Variants in STAP2 observed in about 807,000 individuals in gnomAD.
STAP2 encodes the protein signal-transducing adaptor protein 2.
In STAP2, 58 loss-of-function variants were observed where a neutral mutation model predicts 52.7. That is an observed-to-expected ratio of 1.10 (90% CI 0.89 to 1.37). The LOEUF (loss-of-function observed/expected upper bound fraction) is 1.37. Ranked by LOEUF, STAP2 falls within the 40% of genes most tolerant of loss-of-function variation. STAP2 has a pLI of 0.00. For missense variants in STAP2, 522 were observed against 519.4 expected (o/e 1.00, Z -0.05); for synonymous variants, 231 against 210.5 (o/e 1.10, Z -0.84).
intron 3 of STAP2, 143 bp downstream of exon 3, chr19:4,333,551 T>C: frequency 9.3e-7 from 1 of 1,076,836 alleles, no homozygotes. Flanking sequence ...CCCAGCTCCT[T>C]TGGGGTCAAG....
intron 5 of STAP2, among the ~76,000 whole-genome samples, 189 bp downstream of exon 5, chr19:4,329,772 G>A (rs1219778261): frequency 6.6e-6 from 1 of 151,762 alleles, no homozygotes; most frequent in Non-Finnish European, 1.5e-5. Context: ...CCCGCTCCTG[G>A]AGATCCTGCC....
At position 4,327,403 on chromosome 19, in the gene STAP2, G is replaced by C. The variant is rs765623298; in HGVS notation, c.591-18C>G. The C allele has an allele frequency of 2.0e-4, 317 of 1,613,734 alleles. No individual in the cohort carries two copies. The highest frequency in any genetic ancestry group is 2.6e-4 in the Non-Finnish European group (312 of 1,179,850). On this transcript the variant is annotated intron_variant, in intron 6 of 12. Transcript: ENST00000594605. ...CGTGCGTCCTGCACCAGGAGAAAGC[G>C]AGTGAGTGGCTCAGCCCAGGCTCCC...
In STAP2 at chr19:4,327,391, C is replaced by A; in HGVS notation, c.591-6G>T. On this transcript the variant is annotated splice_polypyrimidine_tract_variant and splice_region_variant and intron_variant, in intron 6 of 12. Transcript: ENST00000594605. ...AATGCCGGACCACGTGCGTCCTGCA[C>A]CAGGAGAAAGCGAGTGAGTGGCTCA... 6.2e-7 allele frequency: 1 copy of A among 1,614,050 alleles called. No homozygotes were observed. The highest frequency in any genetic ancestry group is 8.5e-7 in the Non-Finnish European group (1 of 1,179,942).
At position 4,328,810 on chromosome 19, in the gene STAP2, C is replaced by T. The variant is rs763813697; in HGVS notation, c.456-1G>A. On this transcript the variant is annotated splice_acceptor_variant, in intron 5 of 12. Coordinates refer to ENST00000594605, the MANE Select transcript of STAP2 (RefSeq NM_001013841.2). LOFTEE classifies it high-confidence loss of function. Reference sequence around the variant, plus strand: ...CAGCCGGCTCACCTTCAGGAAGCACCTGTGGCGGGCCGCGTCACCCACTCG... The same window carrying T: ...CAGCCGGCTCACCTTCAGGAAGCACTTGTGGCGGGCCGCGTCACCCACTCG... 8.7e-6 allele frequency: 14 copies of T among 1,608,236 alleles called. No homozygotes were observed. Among genetic ancestry groups the T allele is most frequent in the Non-Finnish European group, 1.2e-5 (14 of 1,177,956 alleles).
At chr19:4,332,193 CTTCTTTTTTTTT>C (rs1971903326) in intron 3 of STAP2, 115 bp from the exon 4 acceptor site, 31 of 317,062 alleles carry the variant, frequency 9.8e-5, no homozygotes, top group Admixed American at 2.5e-4. Flanking sequence ...TTTTCTTTTT[CTTCTTTTTTTTT>C]TTTTTTTTTT....
chr19:4,336,676 C>T (rs1757919321), intron 1 of STAP2, among the ~76,000 whole-genome samples: 1 of 151,388 alleles, frequency 6.6e-6, no homozygotes, highest in Non-Finnish European at 1.5e-5. Flanking sequence ...CTCTTGTCCC[C>T]CAGGTTTGAG....
At chr19:4,325,853 C>T (rs539784714) in intron 9 of STAP2, among the ~76,000 whole-genome samples, 6 of 152,098 alleles carry the variant, frequency 3.9e-5, no homozygotes, top group African/African-American at 1.2e-4. Flanking sequence ...CTCCTGTAAT[C>T]GCAGCTACTC....
rs754581348 is a variant in STAP2 at position 4,325,473 on chromosome 19, G to A, written c.902C>T (p.Pro301Leu). The change falls in exon 10 of 13, where the codon CCC (proline) becomes CTC (leucine). Residue 301 changes from proline (P) to leucine (L), a missense_variant. Transcript: ENST00000594605. ...ASSQDKLPPL[P>L]PLPNQEENYV... Reference sequence around the variant, plus strand: ...GTTCTCTTCCTGGTTCGGTAGTGGGGGCAGTGGGGGCAGCTTGTCCTGGCT... The same window carrying A: ...GTTCTCTTCCTGGTTCGGTAGTGGGAGCAGTGGGGGCAGCTTGTCCTGGCT... 63 of 1,612,604 alleles carry A rather than the reference G, an allele frequency of 3.9e-5. No homozygotes were observed. The Admixed American group carries it at 1.1e-3, about 27-fold the overall frequency.
chr19:4,327,230 G>C lies in STAP2; in HGVS notation c.661-4C>G. The C allele has an allele frequency of 1.2e-6, 2 of 1,614,036 alleles. No homozygotes were observed. Among genetic ancestry groups the C allele is most frequent in the South Asian group, 2.2e-5 (2 of 90,958 alleles). ...CGTCCAGGGAGGTGCAAGAGAACTG[G>C]GGGCAGATGGGGGAGCGGTCAGGCT... On this transcript the variant is annotated splice_polypyrimidine_tract_variant and splice_region_variant and intron_variant, in intron 7 of 12. Transcript: ENST00000594605.
At position 4,324,536 on chromosome 19, in the gene STAP2, G is replaced by C. The variant is rs1197073284; in HGVS notation, c.1073-7C>G. The C allele has an allele frequency of 6.4e-7, 1 of 1,562,752 alleles. No homozygotes were observed. Among genetic ancestry groups the C allele is most frequent in the African/African-American group, 1.3e-5 (1 of 74,106 alleles). On this transcript the variant is annotated splice_region_variant and splice_polypyrimidine_tract_variant and intron_variant, in intron 11 of 12. Transcript: ENST00000594605. ...CCATTAAAGACTTTGGGCTCTGGAA[G>C]AGAAGACAGATGAGGCCAGGTGTGG... is the stretch of plus-strand genomic sequence containing the variant.
intron 1 of STAP2, among the ~76,000 whole-genome samples, chr19:4,337,768 T>C (rs548780396): frequency 9.2e-5 from 14 of 151,928 alleles, no homozygotes; most frequent in Admixed American, 2.6e-4. Context: ...GCTTAATCGT[T>C]TGAACCTGGG....
intron 1 of STAP2, chr19:4,338,376 CAA>C (rs1351075366): frequency 6.5e-5 from 17 of 263,240 alleles, no homozygotes; most frequent in Admixed American, 6.4e-4. Flanking sequence ...AAGATTGAGA[CAA>C]AGAGAGAGGG....
Position 4,338,643 on chromosome 19 carries a change from C to G in STAP2, c.102+9G>C, listed in dbSNP as rs776512416. On this transcript the variant is annotated intron_variant, in intron 1 of 12. Transcript: ENST00000594605. ...CCCAGCAGGGCCAGCCCCCGCCTCC[C>G]CACCTTACCCGGTCACAGGGCCCCT... 1.2e-6 allele frequency: 2 copies of G among 1,611,874 alleles called. No individual in the cohort carries two copies. Among genetic ancestry groups the G allele is most frequent in the East Asian group, 2.2e-5 (1 of 44,816 alleles).
At chr19:4,325,608 G>C in intron 9 of STAP2, 63 bp from the exon 10 acceptor site, 1 of 1,506,788 alleles carries the variant, frequency 6.6e-7, no homozygotes, top group Non-Finnish European at 8.8e-7. Context: ...GCAGGTTGGC[G>C]GGGGGGTCTG....
chr19:4,330,529 C>T (rs1331166590), intron 4 of STAP2, among the ~76,000 whole-genome samples: 1 of 149,226 alleles, frequency 6.7e-6, no homozygotes, highest in Non-Finnish European at 1.5e-5. Context: ...TTCCCCGCTC[C>T]CCAACCCCAC....
At chr19:4,337,347 T>G (rs913579256) in intron 1 of STAP2, among the ~76,000 whole-genome samples, 1 of 150,888 alleles carries the variant, frequency 6.6e-6, no homozygotes, top group Non-Finnish European at 1.5e-5. Flanking sequence ...TTCTCCTGCC[T>G]CAGCCTCCAG....
Position 4,327,328 on chromosome 19 carries a change from A to G in STAP2, c.648T>C (p.Asp216=), listed in dbSNP as rs370264236. The change falls in exon 7 of 13, where the codon GAT becomes GAC. Residue 216 remains aspartate, a synonymous_variant. Transcript: ENST00000594605. ...GCCCAACGCTCACCGGCTGTTCCAC[A>G]TCGATCACGTACTTGGGGCCCTCCC... The part of the protein sequence containing the change: ...VKREGPKYVI[D]VEQPFSCTSL... The G allele has an allele frequency of 7.4e-6, 12 of 1,614,096 alleles. No homozygotes were observed. Among genetic ancestry groups the G allele is most frequent in the Non-Finnish European group, 8.5e-6 (10 of 1,179,976 alleles).
At chr19:4,324,299 C>G (rs568738243) in intron 12 of STAP2, 102 bp from the exon 13 acceptor site, 10 of 1,355,692 alleles carry the variant, frequency 7.4e-6, no homozygotes, top group Middle Eastern at 4.7e-4. Flanking sequence ...TGCAGGGCCC[C>G]GTGCAACAGG....
At position 4,325,528 on chromosome 19, in the gene STAP2, C is replaced by T. The variant is rs1971777276; in HGVS notation, c.847G>A (p.Gly283Ser). 2 of 1,600,822 alleles carry T rather than the reference C, an allele frequency of 1.2e-6. No individual in the cohort carries two copies. Among genetic ancestry groups the T allele is most frequent in the Non-Finnish European group, 1.7e-6 (2 of 1,173,940 alleles). The change falls in exon 10 of 13, where the codon GGT becomes AGT. Residue 283 changes from glycine (G) to serine (S), a missense_variant. Physicochemically the swap from Gly to Ser is moderately conservative, Grantham distance 56 (BLOSUM62 0). Transcript: ENST00000594605. Reference protein sequence around the residue: ...APGPGPAPCTGGPKPLSPASS... With the variant: ...APGPGPAPCTSGPKPLSPASS... ...GCAGGTGACAGCGGCTTGGGGCCAC[C>T]TGTGCAGGGTGCAGGACCTGATGGG...
Sources: gnomAD v4.1 joint callset for allele counts (sites outside exome capture counted in the v4.1 genomes callset) on GRCh38, gnomAD v4.1.1 for gene constraint, MANE v1.5 for transcripts, NCBI Gene and HGNC (gene_info 2026-07-23, HGNC 2026-07-21) for gene names.